The following CNTN5 variants were observed in gnomAD, a reference collection of about 807,000 sequenced individuals.
CNTN5 encodes the protein contactin 5.
A neutral mutation model predicts 129.1 loss-of-function variants in CNTN5; 77 were observed. The ratio of observed to expected loss-of-function variants is 0.60; its 90% CI spans 0.50 to 0.72. The LOEUF (loss-of-function observed/expected upper bound fraction) is 0.72, where lower values mean the gene tolerates loss of function less well. Ranked by LOEUF, CNTN5 falls within the 30% of genes least tolerant of loss-of-function variation. The probability of loss-of-function intolerance (pLI) is 0.00; values close to 1 mark genes in which losing one functional copy is unlikely to be tolerated. For synonymous variants in CNTN5, 509 were observed against 465.6 expected, an observed-to-expected ratio of 1.09 and a Z score of -1.20; for missense variants, 1,478 against 1,328.8, an observed-to-expected ratio of 1.11 and a Z score of -1.75.
At chr11:99,664,929 C>A (rs1191700969) in intron 3 of CNTN5, among the ~76,000 whole-genome samples, 1 of 152,138 alleles carries the variant, frequency 6.6e-6, no homozygotes, top group Non-Finnish European at 1.5e-5. Flanking sequence ...TTGTGTCTAA[C>A]ACAGAATCTT....
chr11:100,327,591 G>A (rs913307115), intron 21 of CNTN5, among the ~76,000 whole-genome samples: 43 of 152,146 alleles, frequency 2.8e-4, no homozygotes, highest in African/African-American at 1.0e-3. Context: ...ACATTTGTGG[G>A]TGTGATCATT....
At chr11:99,183,264 A>G (rs1224303070) in intron 1 of CNTN5, among the ~76,000 whole-genome samples, 1 of 152,172 alleles carries the variant, frequency 6.6e-6, no homozygotes, top group Non-Finnish European at 1.5e-5. Flanking sequence ...GATACTGTCT[A>G]TTGAAGAGAA....
chr11:100,035,737 T>C (rs1474622672), intron 9 of CNTN5, among the ~76,000 whole-genome samples: 1 of 151,136 alleles, frequency 6.6e-6, no homozygotes, highest in Non-Finnish European at 1.5e-5. Flanking sequence ...ATGAGCATTT[T>C]TTCATGTGTT....
At chr11:99,565,085 C>T (rs1948959146) in intron 3 of CNTN5, among the ~76,000 whole-genome samples, 1 of 151,966 alleles carries the variant, frequency 6.6e-6, no homozygotes, top group Non-Finnish European at 1.5e-5. Flanking sequence ...ATAAATTGTT[C>T]TTTATTCATG....
At chr11:99,813,099 A>C (rs192891842) in intron 3 of CNTN5, among the ~76,000 whole-genome samples, 1 of 152,194 alleles carries the variant, frequency 6.6e-6, no homozygotes, top group South Asian at 2.1e-4. Context: ...TCATGGCCAT[A>C]TCACCTGTTC....
At chr11:99,081,210 C>T (rs543747859) in intron 1 of CNTN5, among the ~76,000 whole-genome samples, 2 of 152,220 alleles carry the variant, frequency 1.3e-5, no homozygotes, top group East Asian at 1.9e-4. Context: ...AATGGAAAGG[C>T]TGACTTTTCA....
At chr11:99,714,541 T>A (rs1367205820) in intron 3 of CNTN5, among the ~76,000 whole-genome samples, 1 of 151,978 alleles carries the variant, frequency 6.6e-6, no homozygotes, top group African/African-American at 2.4e-5. Context: ...AGTTGCTGCC[T>A]TCCAAGGATT....
intron 16 of CNTN5, among the ~76,000 whole-genome samples, chr11:100,234,671 GAGGGAT>G (rs1184038196): frequency 6.6e-6 from 1 of 151,544 alleles, no homozygotes; most frequent in Non-Finnish European, 1.5e-5. Flanking sequence ...GGGGCTAGGG[GAGGGAT>G]AGCATTAGGA....
chr11:99,930,886 C>G (rs1302018834), intron 7 of CNTN5, among the ~76,000 whole-genome samples: 10 of 151,364 alleles, frequency 6.6e-5, no homozygotes. Context: ...TATTTAGAAG[C>G]CAGGCAACAT....
intron 6 of CNTN5, among the ~76,000 whole-genome samples, chr11:99,853,384 G>GTA (rs911357803): frequency 6.0e-5 from 9 of 150,614 alleles, no homozygotes; most frequent in African/African-American, 2.2e-4. Flanking sequence ...ATATATATAC[G>GTA]TATATATATT....
chr11:99,114,367 C>T (rs550634143), intron 1 of CNTN5, among the ~76,000 whole-genome samples: 1 of 152,072 alleles, frequency 6.6e-6, no homozygotes, highest in South Asian at 2.1e-4. Context: ...ACCTGACAAC[C>T]TTTTGGAAAT....
intron 6 of CNTN5, among the ~76,000 whole-genome samples, chr11:99,889,327 TGTGTGTGTGTG>T (rs1948992051): frequency 1.7e-4 from 13 of 76,306 alleles, no homozygotes; most frequent in African/African-American, 5.5e-4. Flanking sequence ...TGTGTGTGTG[TGTGTGTGTGTG>T]TGTGTGTGTG....
intron 1 of CNTN5, among the ~76,000 whole-genome samples, chr11:99,307,365 G>A (rs1420718646): frequency 6.6e-6 from 1 of 151,698 alleles, no homozygotes; most frequent in Non-Finnish European, 1.5e-5. Context: ...TTTTGTTCTT[G>A]TTGTGTTTTG....
chr11:99,864,325 T>C (rs1209160362), intron 6 of CNTN5, among the ~76,000 whole-genome samples: 1 of 152,142 alleles, frequency 6.6e-6, no homozygotes, highest in Non-Finnish European at 1.5e-5. Flanking sequence ...CTACTCCCTT[T>C]CTGTGCCTTC....
At chr11:100,124,326 A>T (rs1946116292) in intron 13 of CNTN5, among the ~76,000 whole-genome samples, 1 of 152,024 alleles carries the variant, frequency 6.6e-6, no homozygotes, top group Admixed American at 6.6e-5. Context: ...TATTTGTGCA[A>T]TATATCTTTT....
intron 1 of CNTN5, among the ~76,000 whole-genome samples, chr11:99,089,773 A>G (rs759289865): frequency 6.6e-6 from 1 of 152,242 alleles, no homozygotes; most frequent in Non-Finnish European, 1.5e-5. Flanking sequence ...TACCATAAAT[A>G]TTTCACATGT....
intron 13 of CNTN5, among the ~76,000 whole-genome samples, chr11:100,115,975 A>C (rs1013548603): frequency 1.3e-5 from 2 of 152,026 alleles, no homozygotes; most frequent in African/African-American, 4.8e-5. Context: ...AAGAGGGATG[A>C]AGAAGAGAAT....
chr11:100,189,875 C>G (rs1484235907), intron 13 of CNTN5, among the ~76,000 whole-genome samples: 1 of 152,040 alleles, frequency 6.6e-6, no homozygotes, highest in Non-Finnish European at 1.5e-5. Context: ...TGTCTTCCTT[C>G]TTACACATCA....
At chr11:99,941,571 AACAC>A (rs71305315) in intron 7 of CNTN5, among the ~76,000 whole-genome samples, 3 of 148,370 alleles carry the variant, frequency 2.0e-5, no homozygotes, top group Admixed American at 1.4e-4. Context: ...ACATAAGACA[AACAC>A]ACACACACAC....
Sources: allele counts gnomAD v4.1 joint callset (sites outside exome capture counted in the v4.1 genomes callset), GRCh38; gene constraint gnomAD v4.1.1; transcripts MANE v1.5; gene names NCBI Gene and HGNC (gene_info 2026-07-23, HGNC 2026-07-21).